The following CDH18 variants were observed in gnomAD, a reference collection of about 807,000 sequenced individuals.
CDH18 encodes cadherin-18.
CDH18 carries 31 observed loss-of-function variants against 67.9 expected under a neutral mutation model. The ratio of observed to expected loss-of-function variants is 0.46; its 90% CI spans 0.34 to 0.62. The LOEUF (loss-of-function observed/expected upper bound fraction) is 0.62, where lower values mean the gene tolerates loss of function less well. Ranked by LOEUF, CDH18 falls within the 20% of genes least tolerant of loss-of-function variation. The probability of loss-of-function intolerance (pLI) is 0.01; values close to 1 mark genes in which losing one functional copy is unlikely to be tolerated. For missense variants in CDH18, 890 were observed against 975.5 expected, an observed-to-expected ratio of 0.91 and a Z score of 1.17; for synonymous variants, 362 against 347.2, an observed-to-expected ratio of 1.04 and a Z score of -0.48.
At chr5:20,399,118 C>A (rs1273934024) in intron 1 of CDH18, among the ~76,000 whole-genome samples, 2 of 152,128 alleles carry the variant, frequency 1.3e-5, no homozygotes, top group Non-Finnish European at 2.9e-5. Context: ...CGGTTTCACC[C>A]AAACAACACA....
intron 1 of CDH18, among the ~76,000 whole-genome samples, chr5:20,471,931 A>ACAT: frequency 1.3e-5 from 2 of 152,366 alleles, no homozygotes; most frequent in Non-Finnish European, 1.5e-5. Context: ...CTCATATCTC[A>ACAT]GGCAATACTC....
In CDH18 at chr5:19,822,061, C is replaced by T. The variant is rs7708760; in HGVS notation, c.228+16698G>A. ...AAAAGTAACTATACAATTGAGACTA[C>T]AATATAAACAGCTAACAACATCACA... On this transcript the variant is annotated intron_variant, in intron 3 of 12. Transcript: ENST00000382275. 2.4e-3 allele frequency among the ~76,000 whole-genome samples: 365 copies of T among 152,126 alleles called. 1 individual carries two copies. Among genetic ancestry groups the T allele is most frequent in the African/African-American group, 7.8e-3 (323 of 41,530 alleles).
chr5:20,194,768 G>C (rs1193287205), intron 2 of CDH18, among the ~76,000 whole-genome samples: 9 of 151,834 alleles, frequency 5.9e-5, no homozygotes, highest in Admixed American at 5.9e-4. Context: ...CAGCTGATCT[G>C]GGTTGCTAAG....
chr5:19,696,364 C>T (rs1288012351), intron 5 of CDH18, among the ~76,000 whole-genome samples: 1 of 151,674 alleles, frequency 6.6e-6, no homozygotes, highest in East Asian at 2.0e-4. Flanking sequence ...TGGTGAAACC[C>T]TGTCTCTACT....
intron 1 of CDH18, among the ~76,000 whole-genome samples, chr5:20,286,570 T>G (rs1746712627): frequency 6.6e-6 from 1 of 151,702 alleles, no homozygotes; most frequent in Non-Finnish European, 1.5e-5. Flanking sequence ...TATACTTATT[T>G]TCTTGGGGAT....
chr5:19,966,011 T>TA (rs967442773), intron 2 of CDH18, among the ~76,000 whole-genome samples: 3 of 152,140 alleles, frequency 2.0e-5, no homozygotes, highest in Admixed American at 6.5e-5. Flanking sequence ...GTGGCTTTCA[T>TA]AAAAAAAGAA....
chr5:19,899,498 T>C (rs1789703988), intron 2 of CDH18, among the ~76,000 whole-genome samples: 1 of 152,120 alleles, frequency 6.6e-6, no homozygotes, highest in African/African-American at 2.4e-5. Context: ...CTGTGTAAAC[T>C]GCTGGTGGGA....
chr5:19,492,862 C>T (rs962147397), intron 11 of CDH18, among the ~76,000 whole-genome samples: 1 of 152,100 alleles, frequency 6.6e-6, no homozygotes, highest in African/African-American at 2.4e-5. Flanking sequence ...TTTCTAGCCA[C>T]CACAATTTGG....
intron 8 of CDH18, among the ~76,000 whole-genome samples, chr5:19,552,500 G>A (rs1737634466): frequency 6.6e-6 from 1 of 152,036 alleles, no homozygotes. Context: ...TAATATGAGG[G>A]AGAAAACGTT....
At chr5:19,701,345 T>G (rs2150477970) in intron 5 of CDH18, among the ~76,000 whole-genome samples, 1 of 152,250 alleles carries the variant, frequency 6.6e-6, no homozygotes, top group African/African-American at 2.4e-5. Flanking sequence ...TTTCTCTGCA[T>G]AGTAATATTT....
intron 2 of CDH18, among the ~76,000 whole-genome samples, chr5:19,928,017 A>T (rs1793278043): frequency 6.6e-6 from 1 of 152,148 alleles, no homozygotes; most frequent in South Asian, 2.1e-4. Context: ...CTATTAGTTT[A>T]CACAACTTGC....
intron 8 of CDH18, among the ~76,000 whole-genome samples, chr5:19,570,161 T>C (rs1421183586): frequency 6.6e-6 from 1 of 152,080 alleles, no homozygotes; most frequent in Non-Finnish European, 1.5e-5. Context: ...GGGTCAAAAG[T>C]ATAATTAAAA....
chr5:20,294,405 T>C (rs1337371513), intron 1 of CDH18, among the ~76,000 whole-genome samples: 1 of 152,194 alleles, frequency 6.6e-6, no homozygotes, highest in African/African-American at 2.4e-5. Context: ...TATATGCTGT[T>C]TGTTAATGCG....
At chr5:19,752,974 A>G (rs984751368) in intron 3 of CDH18, among the ~76,000 whole-genome samples, 10 of 152,188 alleles carry the variant, frequency 6.6e-5, no homozygotes, top group African/African-American at 2.4e-4. Flanking sequence ...ATCCATAGGA[A>G]AAGGGGGAGG....
intron 2 of CDH18, among the ~76,000 whole-genome samples, chr5:20,027,406 A>T (rs1739006040): frequency 1.3e-5 from 2 of 152,198 alleles, no homozygotes; most frequent in South Asian, 4.1e-4. Context: ...ATACATGGTT[A>T]TTAAAAAGAA....
intron 1 of CDH18, among the ~76,000 whole-genome samples, chr5:20,295,268 C>G (rs1290172560): frequency 6.6e-6 from 1 of 152,142 alleles, no homozygotes; most frequent in East Asian, 1.9e-4. Context: ...TAGACCTTCA[C>G]ATCTCTGGGA....
At chr5:20,343,517 A>G (rs75193768) in intron 1 of CDH18, among the ~76,000 whole-genome samples, 7,660 of 152,148 alleles carry the variant, frequency 0.05, 350 homozygotes, top group East Asian at 0.16. Flanking sequence ...GAGGACCTCA[A>G]AGAAACCCCC....
At chr5:20,234,504 C>G (rs1319279424) in intron 2 of CDH18, among the ~76,000 whole-genome samples, 1 of 152,012 alleles carries the variant, frequency 6.6e-6, no homozygotes, top group Admixed American at 6.6e-5. Flanking sequence ...TGTCTCTTCT[C>G]TCCACTGTGT....
At position 19,673,788 on chromosome 5, in the gene CDH18, G is replaced by A. The variant is rs543658815; in HGVS notation, c.643+47559C>T. 1.3e-4 allele frequency among the ~76,000 whole-genome samples: 20 copies of A among 152,102 alleles called. 1 individual carries two copies. In the South Asian group the frequency reaches 4.2e-3, roughly 32 times the overall value. ...AAACACATTTAATTCTCATAATAAAGCTGTGAAAGGGCTGCTATTATTGTC... is the reference window on the plus strand; with the variant it reads ...AAACACATTTAATTCTCATAATAAAACTGTGAAAGGGCTGCTATTATTGTC... On this transcript the variant is annotated intron_variant, in intron 5 of 12. Transcript: ENST00000382275.
Sources: gnomAD v4.1 joint callset for allele counts (sites outside exome capture counted in the v4.1 genomes callset) on GRCh38, gnomAD v4.1.1 for gene constraint, MANE v1.5 for transcripts, NCBI Gene and HGNC (gene_info 2026-07-23, HGNC 2026-07-21) for gene names.